Variants in TENM1 observed in about 807,000 individuals in gnomAD.
TENM1 encodes the protein teneurin transmembrane protein 1, also known as teneurin-1.
In TENM1, 35 loss-of-function variants were observed where a neutral mutation model predicts 174.8. The ratio of observed to expected loss-of-function variants is 0.20; its 90% CI spans 0.15 to 0.27. TENM1 has a LOEUF of 0.27. Ranked by LOEUF, TENM1 falls within the 10% of genes least tolerant of loss-of-function variation. TENM1 has a pLI of 1.00. For synonymous variants in TENM1, 781 were observed against 798.7 expected, an observed-to-expected ratio of 0.98 and a Z score of 0.37; for missense variants, 1,633 against 2,130.1, an observed-to-expected ratio of 0.77 and a Z score of 4.59.
intron 3 of TENM1, among the ~76,000 whole-genome samples, chrX:124,756,754 ACTCCAGACC>A (rs2054258499): frequency 8.9e-6 from 1 of 111,796 alleles, no homozygotes; most frequent in African/African-American, 3.3e-5. Flanking sequence ...CTAGAGGTCC[ACTCCAGACC>A]CTGTTTGCCT....
At chrX:125,186,975 C>A in the TENM1 span, among the ~76,000 whole-genome samples, 1 of 112,230 alleles carries the variant, frequency 8.9e-6, no homozygotes, top group African/African-American at 3.2e-5. Flanking sequence ...TTTAAAAAGT[C>A]ATTCATGGCA....
intron 3 of TENM1, among the ~76,000 whole-genome samples, chrX:124,739,981 A>G: frequency 8.9e-6 from 1 of 111,780 alleles, no homozygotes; most frequent in Non-Finnish European, 1.9e-5. Context: ...CCCCTTGAAG[A>G]TCTTAGTGGA....
chrX:125,132,016 A>T, the TENM1 span, among the ~76,000 whole-genome samples: 109 of 112,539 alleles, frequency 9.7e-4, no homozygotes, highest in African/African-American at 3.5e-3. Flanking sequence ...TCAATTTTCA[A>T]TAAATTTGGT....
chrX:124,826,178 G>A (rs776534878), intron 3 of TENM1, among the ~76,000 whole-genome samples: 1 of 111,100 alleles, frequency 9.0e-6, no homozygotes, highest in Non-Finnish European at 1.9e-5. Context: ...GGGAGGCCTA[G>A]GTGGGCAGAT....
At chrX:124,889,735 A>T (rs972317322) in intron 3 of TENM1, among the ~76,000 whole-genome samples, 3 of 111,757 alleles carry the variant, frequency 2.7e-5, no homozygotes, top group Non-Finnish European at 5.6e-5. Context: ...TGAGGTATCC[A>T]TCCTCTCAAG....
intron 4 of TENM1, among the ~76,000 whole-genome samples, chrX:124,725,154 C>T (rs934931846): frequency 9.0e-6 from 1 of 111,064 alleles, no homozygotes. Context: ...CTCCTCTCCC[C>T]GTTTTCCCAT....
the TENM1 span, among the ~76,000 whole-genome samples, chrX:124,990,869 C>A: frequency 9.0e-6 from 1 of 111,681 alleles, no homozygotes; most frequent in South Asian, 3.7e-4. Context: ...GCCTAGGTAG[C>A]ACTCCATGGT....
At chrX:125,187,125 G>T in the TENM1 span, among the ~76,000 whole-genome samples, 1 of 112,004 alleles carries the variant, frequency 8.9e-6, no homozygotes, top group Non-Finnish European at 1.9e-5. Context: ...GCCAGGCATG[G>T]TGGTGGGTGC....
At chrX:124,956,840 A>G (rs1288837169) in intron 1 of TENM1, among the ~76,000 whole-genome samples, 2 of 112,461 alleles carry the variant, frequency 1.8e-5, no homozygotes, top group Non-Finnish European at 3.8e-5. Flanking sequence ...TGCCATGTAA[A>G]TACAGATCCT....
chrX:125,108,449 A>G, the TENM1 span, among the ~76,000 whole-genome samples: 1 of 111,845 alleles, frequency 8.9e-6, no homozygotes, highest in Admixed American at 9.5e-5. Context: ...AGCCTGGAAC[A>G]GTGGCTCATG....
At chrX:124,964,140 T>A (rs375360618), upstream of TENM1, among the ~76,000 whole-genome samples, 21 of 112,433 alleles carry the variant, frequency 1.9e-4, no homozygotes, top group East Asian at 3.9e-3. Context: ...AATGTTAAAA[T>A]CAGTGGTTAG....
intron 22 of TENM1, among the ~76,000 whole-genome samples, chrX:124,469,370 T>A (rs1204149009): frequency 2.7e-5 from 3 of 112,053 alleles, no homozygotes; most frequent in South Asian, 7.4e-4. Flanking sequence ...CGTCATTTCA[T>A]CCTCTATAAA....
chrX:125,030,745 G>T, the TENM1 span, among the ~76,000 whole-genome samples: 1 of 111,863 alleles, frequency 8.9e-6, no homozygotes, highest in African/African-American at 3.2e-5. Context: ...TAATGCAACA[G>T]TTGCATTAGT....
At chrX:124,755,849 G>A (rs1411809183) in intron 3 of TENM1, among the ~76,000 whole-genome samples, 3 of 107,939 alleles carry the variant, frequency 2.8e-5, no homozygotes, top group South Asian at 4.1e-4. Context: ...AGTTTCTGCC[G>A]AGAGATCTGC....
chrX:124,550,761 ATTT>A (rs59121201), intron 14 of TENM1, among the ~76,000 whole-genome samples: 1 of 101,539 alleles, frequency 9.8e-6, no homozygotes. Flanking sequence ...CTTTGGCTCT[ATTT>A]TTTTTTTTTT....
exon 24 of TENM1, chrX:124,422,356 T>A: frequency 8.3e-7 from 1 of 1,211,092 alleles, no homozygotes; most frequent in South Asian, 1.8e-5. Context: ...CCATTGGTGG[T>A]TACTTGCTGA....
chrX:125,098,291 G>A, the TENM1 span, among the ~76,000 whole-genome samples: 38 of 111,449 alleles, frequency 3.4e-4, no homozygotes, highest in African/African-American at 1.2e-3. Context: ...TAAAAGGGTC[G>A]TGTTTTGCTA....
At chrX:124,814,607 T>C (rs1220485943) in intron 3 of TENM1, among the ~76,000 whole-genome samples, 1 of 111,270 alleles carries the variant, frequency 9.0e-6, no homozygotes, top group Non-Finnish European at 1.9e-5. Context: ...TCCCTGTTGT[T>C]GCTTATAGTT....
chrX:124,756,109 G>A (rs1307732002), intron 3 of TENM1, among the ~76,000 whole-genome samples: 12 of 104,882 alleles, frequency 1.1e-4, no homozygotes, highest in Non-Finnish European at 1.9e-4. Flanking sequence ...CATTCTCCCC[G>A]TCACTTTCAG....
Sources: allele counts gnomAD v4.1 joint callset (sites outside exome capture counted in the v4.1 genomes callset), GRCh38; gene constraint gnomAD v4.1.1; transcripts MANE v1.5; gene names NCBI Gene and HGNC (gene_info 2026-07-23, HGNC 2026-07-21).